GPC5: variants seen among roughly 807,000 people sequenced by gnomAD.
The protein encoded by GPC5 is glypican-5.
GPC5 carries 47 observed loss-of-function variants against 53.9 expected under a neutral mutation model. The observed-to-expected ratio is 0.87, with a 90% CI of 0.69 to 1.11. The LOEUF is 1.11. GPC5 is among the 50% of genes most tolerant of loss of function. The pLI, the probability that GPC5 is intolerant of heterozygous loss-of-function variation, is 0.00. For synonymous variants in GPC5, 286 were observed against 263.3 expected, an observed-to-expected ratio of 1.09 and a Z score of -0.84; for missense variants, 748 against 713.1, an observed-to-expected ratio of 1.05 and a Z score of -0.56.
At chr13:92,150,106 A>AT (rs941469973) in intron 7 of GPC5, among the ~76,000 whole-genome samples, 5 of 151,866 alleles carry the variant, frequency 3.3e-5, no homozygotes, top group Non-Finnish European at 2.9e-5. Context: ...GAAAATAACT[A>AT]TTTTTTCAAT....
chr13:91,568,891 G>A (rs76783341), intron 2 of GPC5, among the ~76,000 whole-genome samples: 14,623 of 151,768 alleles, frequency 0.096, 808 homozygotes, highest in South Asian at 0.32. Context: ...TGGGATTACA[G>A]GTGTCTGCCA....
intron 7 of GPC5, among the ~76,000 whole-genome samples, chr13:92,160,350 C>T (rs2139004988): frequency 6.6e-6 from 1 of 152,296 alleles, no homozygotes; most frequent in African/African-American, 2.4e-5. Flanking sequence ...TAAACCAAAA[C>T]ATAATTATCT....
At chr13:92,541,111 A>G (rs894194324) in intron 7 of GPC5, among the ~76,000 whole-genome samples, 1 of 151,912 alleles carries the variant, frequency 6.6e-6, no homozygotes, top group Non-Finnish European at 1.5e-5. Context: ...ATGGCATAGT[A>G]TAGAGAAATA....
intron 7 of GPC5, among the ~76,000 whole-genome samples, chr13:92,163,464 A>C (rs1194734520): frequency 6.6e-6 from 1 of 151,176 alleles, no homozygotes; most frequent in Non-Finnish European, 1.5e-5. Flanking sequence ...CCATCTCAAA[A>C]AAAAAAAAAA....
At chr13:92,793,948 T>C (rs1014876999) in intron 7 of GPC5, among the ~76,000 whole-genome samples, 2 of 151,968 alleles carry the variant, frequency 1.3e-5, no homozygotes, top group African/African-American at 4.8e-5. Flanking sequence ...TGCATTCTAC[T>C]AGAGGTAAAA....
At chr13:91,506,080 A>G (rs1187017409) in intron 2 of GPC5, among the ~76,000 whole-genome samples, 2 of 152,130 alleles carry the variant, frequency 1.3e-5, no homozygotes, top group Non-Finnish European at 2.9e-5. Flanking sequence ...CCATGGGGGA[A>G]AATTAAGGAT....
intron 6 of GPC5, among the ~76,000 whole-genome samples, chr13:92,071,242 A>T (rs1045831207): frequency 1.3e-5 from 2 of 152,052 alleles, no homozygotes; most frequent in Admixed American, 1.3e-4. Context: ...TTGAAAAAAA[A>T]TTGTCAATTA....
intron 7 of GPC5, among the ~76,000 whole-genome samples, chr13:92,675,786 T>G (rs956922923): frequency 1.9e-4 from 29 of 152,088 alleles, no homozygotes; most frequent in Admixed American, 5.9e-4. Flanking sequence ...TATGTAATAT[T>G]CATATAGCAG....
intron 4 of GPC5, among the ~76,000 whole-genome samples, chr13:91,743,275 G>A (rs1208648308): frequency 1.3e-5 from 2 of 152,138 alleles, no homozygotes; most frequent in Admixed American, 6.6e-5. Context: ...AAGAGGTGAA[G>A]AGGATTCAAG....
At chr13:92,628,860 A>G (rs1453842477) in intron 7 of GPC5, among the ~76,000 whole-genome samples, 2 of 152,186 alleles carry the variant, frequency 1.3e-5, no homozygotes, top group Non-Finnish European at 2.9e-5. Context: ...GGATGTCTCT[A>G]TATCACCAGA....
At chr13:92,546,705 G>A (rs1276871229) in intron 7 of GPC5, among the ~76,000 whole-genome samples, 1 of 152,102 alleles carries the variant, frequency 6.6e-6, no homozygotes, top group East Asian at 1.9e-4. Flanking sequence ...AGCCCACATT[G>A]CCAAGTCAAT....
At chr13:92,246,384 T>G (rs549670320) in intron 7 of GPC5, among the ~76,000 whole-genome samples, 4 of 152,218 alleles carry the variant, frequency 2.6e-5, no homozygotes, top group African/African-American at 9.6e-5. Context: ...CTTATACCAG[T>G]GAGAAATTGT....
intron 7 of GPC5, among the ~76,000 whole-genome samples, chr13:92,795,818 T>C (rs1876655415): frequency 6.6e-6 from 1 of 152,138 alleles, no homozygotes; most frequent in South Asian, 2.1e-4. Context: ...TGAAATAGCA[T>C]CTCATGCCAG....
intron 7 of GPC5, among the ~76,000 whole-genome samples, chr13:92,774,116 G>C (rs563614645): frequency 2.6e-5 from 4 of 152,308 alleles, no homozygotes; most frequent in Admixed American, 2.0e-4. Flanking sequence ...TTTGGGTGCG[G>C]ACAAAGAGCC....
chr13:91,771,523 A>G (rs995503361), intron 5 of GPC5, among the ~76,000 whole-genome samples: 5 of 152,166 alleles, frequency 3.3e-5, no homozygotes, highest in Admixed American at 1.3e-4. Context: ...CTCCATTAAT[A>G]AGGAAATAAT....
chr13:91,833,228 G>T (rs540778562), intron 5 of GPC5, among the ~76,000 whole-genome samples: 7 of 152,202 alleles, frequency 4.6e-5, no homozygotes, highest in Non-Finnish European at 8.8e-5. Context: ...CCAATAACAA[G>T]TTCTGAAATT....
chr13:92,280,311 G>T (rs1021490808), intron 7 of GPC5, among the ~76,000 whole-genome samples: 6 of 152,038 alleles, frequency 3.9e-5, no homozygotes, highest in African/African-American at 1.4e-4. Flanking sequence ...AACAACTTTG[G>T]TTTTGTATGT....
intron 7 of GPC5, among the ~76,000 whole-genome samples, chr13:92,571,761 T>G (rs1883030054): frequency 6.6e-6 from 1 of 152,152 alleles, no homozygotes; most frequent in African/African-American, 2.4e-5. Flanking sequence ...TTACTTTTAA[T>G]ATTACAAAAA....
intron 7 of GPC5, among the ~76,000 whole-genome samples, chr13:92,187,110 CT>C (rs2042189703): frequency 7.7e-6 from 1 of 130,050 alleles, no homozygotes; most frequent in African/African-American, 3.2e-5. Flanking sequence ...AAAACTCCAT[CT>C]CAAAAAAAAA....
Sources: allele counts gnomAD v4.1 joint callset (sites outside exome capture counted in the v4.1 genomes callset), GRCh38; gene constraint gnomAD v4.1.1; transcripts MANE v1.5; gene names NCBI Gene and HGNC (gene_info 2026-07-23, HGNC 2026-07-21).